DIAPH2: variants seen among roughly 807,000 people sequenced by gnomAD.
DIAPH2 encodes protein diaphanous homolog 2.
Under a neutral mutation model 92.7 loss-of-function variants are expected in DIAPH2, and 35 were observed. That is an observed-to-expected ratio of 0.38 (90% CI 0.29 to 0.50). The LOEUF (loss-of-function observed/expected upper bound fraction) is 0.50, where lower values mean the gene tolerates loss of function less well. DIAPH2 is among the 20% of genes least tolerant of loss of function. DIAPH2 has a pLI of 0.94. For synonymous variants in DIAPH2, 301 were observed against 280.4 expected, an observed-to-expected ratio of 1.07 and a Z score of -0.73; for missense variants, 701 against 819.5, an observed-to-expected ratio of 0.86 and a Z score of 1.77.
chrX:97,522,082 T>C (rs148605598), intron 26 of DIAPH2, among the ~76,000 whole-genome samples: 387 of 111,840 alleles, frequency 3.5e-3, no homozygotes, highest in African/African-American at 0.012. Flanking sequence ...ACTCCTTCCT[T>C]TTACATAAAC....
intron 5 of DIAPH2, among the ~76,000 whole-genome samples, chrX:96,888,047 C>G (rs1178760717): frequency 1.8e-5 from 2 of 108,394 alleles, no homozygotes; most frequent in Admixed American, 1.0e-4. Flanking sequence ...TCAGCTCAGA[C>G]CTCTCTGTTT....
chrX:97,473,985 T>G lies in DIAPH2; in HGVS notation c.3241+44240T>G, dbSNP rs752385682. ...AAACCACAAGAAAAACAATATTTTG[T>G]GACATGAAAATTATATGAAATTCAA... is the stretch of plus-strand genomic sequence containing the variant. On this transcript the variant is annotated intron_variant, in intron 26 of 26. Transcript: ENST00000324765. 2.7e-5 allele frequency among the ~76,000 whole-genome samples: 3 copies of G among 112,326 alleles called. No individual in the cohort carries two copies. The East Asian group carries it at 8.5e-4, about 32-fold the overall frequency.
intron 1 of DIAPH2, among the ~76,000 whole-genome samples, chrX:96,725,816 G>A (rs1331832491): frequency 2.7e-5 from 3 of 111,798 alleles, no homozygotes; most frequent in Non-Finnish European, 5.6e-5. Context: ...CACAACTCAG[G>A]TATAATTTTC....
intron 26 of DIAPH2, among the ~76,000 whole-genome samples, chrX:97,486,860 T>G (rs1322021897): frequency 9.1e-6 from 1 of 110,464 alleles, no homozygotes; most frequent in Non-Finnish European, 1.9e-5. Flanking sequence ...ATACAATAGA[T>G]CTCTAGAATT....
At chrX:97,341,236 C>G (rs2069112016) in intron 23 of DIAPH2, 1 of 108,894 alleles carries the variant, frequency 9.2e-6, no homozygotes, top group South Asian at 4.0e-4. Context: ...TTACCTAGCC[C>G]AGGTCAGAAA....
intron 26 of DIAPH2, among the ~76,000 whole-genome samples, chrX:97,500,138 ACT>A (rs2070785251): frequency 9.0e-6 from 1 of 111,559 alleles, no homozygotes; most frequent in African/African-American, 3.3e-5. Context: ...GGCTCTGATA[ACT>A]CTATATAATG....
chrX:96,700,070 G>A (rs1052516744), intron 1 of DIAPH2, among the ~76,000 whole-genome samples: 2 of 111,712 alleles, frequency 1.8e-5, no homozygotes, highest in Middle Eastern at 4.2e-3. Flanking sequence ...GTGCAGTGGC[G>A]CAATCATGGC....
intron 4 of DIAPH2, among the ~76,000 whole-genome samples, chrX:96,863,946 T>G (rs2065088107): frequency 9.0e-6 from 1 of 110,501 alleles, no homozygotes; most frequent in African/African-American, 3.3e-5. Flanking sequence ...ACCTATTGTT[T>G]TAGCTACTCC....
intron 1 of DIAPH2, among the ~76,000 whole-genome samples, chrX:96,704,176 G>A (rs185238772): frequency 2.0e-4 from 22 of 111,808 alleles, no homozygotes; most frequent in African/African-American, 7.2e-4. Context: ...GGTTCCTTGT[G>A]GGGTTACAAA....
At chrX:97,204,907 A>T (rs1206039814) in intron 22 of DIAPH2, among the ~76,000 whole-genome samples, 1 of 111,708 alleles carries the variant, frequency 9.0e-6, no homozygotes, top group African/African-American at 3.3e-5. Flanking sequence ...GCATCACACT[A>T]CCTGACTTTA....
chrX:97,261,773 T>C (rs1316744914), intron 23 of DIAPH2, among the ~76,000 whole-genome samples: 4 of 111,120 alleles, frequency 3.6e-5, no homozygotes, highest in African/African-American at 1.3e-4. Context: ...TTCCAAGTTA[T>C]GCAAATAAGT....
Position 97,305,856 on chromosome X carries a change from A to G in DIAPH2, c.2845-42260A>G, listed in dbSNP as rs981148739. Among the ~76,000 whole-genome samples the G allele has an allele frequency of 8.3e-5, 9 of 107,909 alleles. No individual in the cohort carries two copies. The East Asian group carries it at 2.3e-3, about 28-fold the overall frequency. 93.7% of individuals were successfully genotyped at this position (107,909 alleles called of 115,157 possible). A position where few individuals can be genotyped will look rare whatever the true frequency, so the allele number is the denominator to read the frequency against. On this transcript the variant is annotated intron_variant, in intron 23 of 26. Coordinates refer to ENST00000324765, the MANE Select transcript of DIAPH2 (RefSeq NM_006729.5). Reference sequence around the variant, plus strand: ...AAAAAAAAAAAGAAAGAAAGAAAGAATGGGAAATGGGAGGCAAGAAGGTAG... The same window carrying G: ...AAAAAAAAAAAGAAAGAAAGAAAGAGTGGGAAATGGGAGGCAAGAAGGTAG...
chrX:97,076,503 G>A (rs1256187922), intron 19 of DIAPH2, among the ~76,000 whole-genome samples: 1 of 111,324 alleles, frequency 9.0e-6, no homozygotes, highest in Non-Finnish European at 1.9e-5. Context: ...CTGCACTCTA[G>A]CCTGGAGACA....
intron 4 of DIAPH2, among the ~76,000 whole-genome samples, chrX:96,832,621 A>G (rs2064862446): frequency 9.0e-6 from 1 of 111,445 alleles, no homozygotes. Context: ...AAATATTTTT[A>G]TATCATTTTG....
chrX:97,100,572 C>A (rs1375505789), intron 20 of DIAPH2, among the ~76,000 whole-genome samples: 1 of 111,619 alleles, frequency 9.0e-6, no homozygotes, highest in Non-Finnish European at 1.9e-5. Context: ...CTATTTTTTA[C>A]TTAGGTGGTC....
At chrX:97,564,106 T>C (rs981107158) in intron 26 of DIAPH2, among the ~76,000 whole-genome samples, 1 of 112,184 alleles carries the variant, frequency 8.9e-6, no homozygotes, top group Non-Finnish European at 1.9e-5. Flanking sequence ...ATTAGTGCTC[T>C]TCTCTTGGAA....
At chrX:97,275,660 C>T (rs755829147) in intron 23 of DIAPH2, among the ~76,000 whole-genome samples, 15 of 104,976 alleles carry the variant, frequency 1.4e-4, no homozygotes, top group African/African-American at 5.3e-4. Context: ...CGGACAGAGG[C>T]GCTCCTCACA....
chrX:96,882,208 G>C (rs189460907), intron 5 of DIAPH2, among the ~76,000 whole-genome samples: 55 of 109,404 alleles, frequency 5.0e-4, no homozygotes, highest in Non-Finnish European at 1.0e-3. Context: ...GCACCATCAT[G>C]CCTGGCTGAT....
intron 26 of DIAPH2, among the ~76,000 whole-genome samples, chrX:97,440,594 CAAAAAAAAAA>C (rs775916074): frequency 1.8e-4 from 7 of 39,422 alleles, no homozygotes; most frequent in Non-Finnish European, 2.4e-4. Context: ...CTTCGTCTCA[CAAAAAAAAAA>C]AAAAAAAAAA....
Sources: gnomAD v4.1 joint callset for allele counts (sites outside exome capture counted in the v4.1 genomes callset) on GRCh38, gnomAD v4.1.1 for gene constraint, MANE v1.5 for transcripts, NCBI Gene and HGNC (gene_info 2026-07-23, HGNC 2026-07-21) for gene names.